HSPBP1: variants seen among roughly 807,000 people sequenced by gnomAD.
The protein encoded by HSPBP1 is hsp70-binding protein 1.
In HSPBP1, 31 loss-of-function variants were observed where a neutral mutation model predicts 41.7. That is an observed-to-expected ratio of 0.74 (90% CI 0.56 to 1.00). The LOEUF (loss-of-function observed/expected upper bound fraction) is 1.00, where lower values mean the gene tolerates loss of function less well. Ranked by LOEUF, HSPBP1 falls within the 50% of genes least tolerant of loss-of-function variation. HSPBP1 has a pLI of 0.00. For synonymous variants in HSPBP1, 199 were observed against 214.4 expected, an observed-to-expected ratio of 0.93 and a Z score of 0.63; for missense variants, 439 against 487.9, an observed-to-expected ratio of 0.90 and a Z score of 0.94.
chr19:55,266,035 C>T (rs1184412151), intron 5 of HSPBP1, 53 bp from the exon 6 acceptor site: 31 of 1,562,966 alleles, frequency 2.0e-5, no homozygotes, highest in Non-Finnish European at 2.4e-5. Context: ...TCTCCTATGC[C>T]CTCCCCGGGA....
intron 4 of HSPBP1, among the ~76,000 whole-genome samples, chr19:55,267,032 C>T (rs1457602901): frequency 6.6e-6 from 1 of 152,248 alleles, no homozygotes; most frequent in Non-Finnish European, 1.5e-5. Context: ...TAAGTGGTAT[C>T]AGCACTTCAT....
At chr19:55,262,989 G>C (rs963120835) in intron 7 of HSPBP1, among the ~76,000 whole-genome samples, 4 of 151,880 alleles carry the variant, frequency 2.6e-5, no homozygotes, top group Non-Finnish European at 5.9e-5. Context: ...AACTTTCTGC[G>C]GATACAAACC....
chr19:55,275,135 C>T (rs950394057), intron 3 of HSPBP1, among the ~76,000 whole-genome samples: 4 of 152,172 alleles, frequency 2.6e-5, no homozygotes, highest in African/African-American at 7.2e-5. Context: ...TAGTACAACT[C>T]GATTCCATCA....
Position 55,262,277 on chromosome 19 carries a change from T to C in HSPBP1, c.*331A>G, listed in dbSNP as rs962830466. 4 of 884,182 alleles carry C rather than the reference T, an allele frequency of 4.5e-6. No individual in the cohort carries two copies. The highest frequency in any genetic ancestry group is 4.2e-6 in the Non-Finnish European group (3 of 706,794). The allele number at this position is 884,182 out of a possible 1,614,324, so 54.8% of individuals were successfully genotyped here. ...TCTTCCAGTGGCTCCCCAAGTCCCT[T>C]AAACCCGTGCCCCTCCTCCCGTCCC... On this transcript the variant is annotated 3_prime_UTR_variant, in exon 8 of 8. Coordinates refer to ENST00000433386, the MANE Select transcript of HSPBP1 (RefSeq NM_012267.5).
chr19:55,271,722 C>T (rs923552132), intron 4 of HSPBP1, among the ~76,000 whole-genome samples: 7 of 152,198 alleles, frequency 4.6e-5, no homozygotes, highest in African/African-American at 1.7e-4. Context: ...ACCCCCCTCA[C>T]AGCCCCCATT....
chr19:55,268,528 T>C lies in HSPBP1; in HGVS notation c.641-2242A>G, dbSNP rs568894662. On this transcript the variant is annotated intron_variant, in intron 4 of 7. Transcript: ENST00000433386. The surrounding 1 kb of genome is among the most constrained non-coding windows in gnomAD (Gnocchi z 4.5). ...CCCCTGAAAACTCAGCATGTTGCGA[T>C]GTGCTTCATTTGTAAAATGCACACA... Among the ~76,000 whole-genome samples, 10 of 152,372 alleles carry C rather than the reference T, an allele frequency of 6.6e-5. No individual in the cohort carries two copies. Among genetic ancestry groups the C allele is most frequent in the African/African-American group, 2.4e-4 (10 of 41,586 alleles).
intron 3 of HSPBP1, among the ~76,000 whole-genome samples, chr19:55,276,660 A>C (rs887707258): frequency 1.3e-5 from 2 of 152,204 alleles, no homozygotes; most frequent in Non-Finnish European, 2.9e-5. Context: ...AATGAATGAA[A>C]GAGCAAAGTC....
intron 7 of HSPBP1, among the ~76,000 whole-genome samples, chr19:55,264,913 T>A (rs2087731751): frequency 6.6e-6 from 1 of 151,996 alleles, no homozygotes; most frequent in Admixed American, 6.6e-5. Flanking sequence ...CTGCCCCTAC[T>A]AGGGTCCCCA....
chr19:55,265,188 T>A, intron 7 of HSPBP1, 90 bp downstream of exon 7: 15 of 232,850 alleles, frequency 6.4e-5, no homozygotes, highest in Non-Finnish European at 8.7e-5. Flanking sequence ...TCGAACCCCA[T>A]CCCCTCCCCA....
intron 2 of HSPBP1, among the ~76,000 whole-genome samples, 194 bp from the exon 3 acceptor site, chr19:55,278,040 A>G (rs1486459870): frequency 6.6e-6 from 1 of 152,102 alleles, no homozygotes; most frequent in Non-Finnish European, 1.5e-5. Flanking sequence ...TGAGCTCAGG[A>G]GTTTGAGACC....
rs919044841 is a variant in HSPBP1, at chr19:55,272,039, G to C, written c.640+2359C>G. Among the ~76,000 whole-genome samples the C allele has an allele frequency of 2.0e-5, 3 of 151,522 alleles. No homozygotes were observed. The highest frequency in any genetic ancestry group is 7.3e-5 in the African/African-American group (3 of 41,214). ...ATTGCGCCACTGCACTCCAGCCTGGGCCACAGAGCGAGACTCCGTCTCAAG... is the reference window on the plus strand; with the variant it reads ...ATTGCGCCACTGCACTCCAGCCTGGCCCACAGAGCGAGACTCCGTCTCAAG... On this transcript the variant is annotated intron_variant, in intron 4 of 7. Transcript: ENST00000433386. This position sits in a 1 kb window ranked among gnomAD's most constrained non-coding sequence, Gnocchi z 4.2.
intron 2 of HSPBP1, among the ~76,000 whole-genome samples, chr19:55,279,165 G>A (rs2088159898): frequency 6.6e-6 from 1 of 152,120 alleles, no homozygotes; most frequent in East Asian, 1.9e-4. Flanking sequence ...CTGAATCCAG[G>A]TTAGTCTGGC....
chr19:55,269,500 C>T (rs2087867192), intron 4 of HSPBP1, among the ~76,000 whole-genome samples: 1 of 152,168 alleles, frequency 6.6e-6, no homozygotes, highest in South Asian at 2.1e-4. Flanking sequence ...AAAGTCATCA[C>T]TGCAGCCCAC....
In HSPBP1 at chr19:55,272,710, G is replaced by A. The variant is rs934241146; in HGVS notation, c.640+1688C>T. ...ACAAAAATTAGCCGGGCGCGGTGGC[G>A]GGCGCCTGTAATCCCAGCTACTTGA... On this transcript the variant is annotated intron_variant, in intron 4 of 7. Transcript: ENST00000433386. This position sits in a 1 kb window ranked among gnomAD's most constrained non-coding sequence, Gnocchi z 4.2. 1.3e-5 allele frequency among the ~76,000 whole-genome samples: 2 copies of A among 151,950 alleles called. No homozygotes were observed. Among genetic ancestry groups the A allele is most frequent in the Non-Finnish European group, 2.9e-5 (2 of 67,986 alleles).
intron 4 of HSPBP1, among the ~76,000 whole-genome samples, chr19:55,273,949 T>C (rs754405962): frequency 1.3e-3 from 203 of 150,782 alleles, no homozygotes; most frequent in Non-Finnish European, 2.5e-3. Context: ...GAAGAATTCA[T>C]GTACAGCAGG....
chr19:55,269,489 C>T (rs1427986148), intron 4 of HSPBP1, among the ~76,000 whole-genome samples: 23 of 152,094 alleles, frequency 1.5e-4, no homozygotes, highest in Non-Finnish European at 1.5e-4. Flanking sequence ...GAAAGAAAGC[C>T]AAAGTCATCA....
chr19:55,278,717 C>T (rs896920648), intron 2 of HSPBP1, among the ~76,000 whole-genome samples: 8 of 152,084 alleles, frequency 5.3e-5, no homozygotes, highest in African/African-American at 1.7e-4. Flanking sequence ...AGTTCGAGAC[C>T]AGCCTGGCCA....
At chr19:55,271,912 A>T (rs1208114455) in intron 4 of HSPBP1, among the ~76,000 whole-genome samples, 2 of 152,144 alleles carry the variant, frequency 1.3e-5, no homozygotes, top group East Asian at 1.9e-4. Flanking sequence ...TACAAAAAAA[A>T]TTAGCTGGGC....
rs367904859 is a variant in HSPBP1, at chr19:55,279,297, G to T, written c.210+102C>A. On this transcript the variant is annotated intron_variant, in intron 2 of 7. Transcript: ENST00000433386. ...ACCTGGTTTTCTGCCTCCCACCCAA[G>T]AAGACCCTAGTCTTCTTGTGGCTCC... is the stretch of plus-strand genomic sequence containing the variant. 6 of 1,006,860 alleles carry T rather than the reference G, an allele frequency of 6.0e-6. No individual in the cohort carries two copies. The African/African-American group carries it at 8.2e-5, about 14-fold the overall frequency. The allele number at this position is 1,006,860 out of a possible 1,614,324, so 62.4% of individuals were successfully genotyped here.
Sources: allele counts gnomAD v4.1 joint callset (sites outside exome capture counted in the v4.1 genomes callset), GRCh38; gene constraint gnomAD v4.1.1; non-coding constraint Gnocchi (gnomAD v3.1); transcripts MANE v1.5; gene names NCBI Gene and HGNC (gene_info 2026-07-23, HGNC 2026-07-21).